Variants in AFF1 observed in about 807,000 individuals in gnomAD.
AFF1 encodes ALF transcription elongation factor 1.
A neutral mutation model predicts 121.7 loss-of-function variants in AFF1; 48 were observed. The ratio of observed to expected loss-of-function variants is 0.39; its 90% confidence interval spans 0.31 to 0.50. The LOEUF (loss-of-function observed/expected upper bound fraction) is 0.50, where lower values mean the gene tolerates loss of function less well. AFF1 is among the 20% of genes least tolerant of loss of function. The probability of loss-of-function intolerance (pLI) is 0.76; values close to 1 mark genes in which losing one functional copy is unlikely to be tolerated. For missense variants in AFF1, 1,523 were observed against 1,511.7 expected (o/e 1.01, Z -0.12); for synonymous variants, 613 against 563.0 (o/e 1.09, Z -1.26).
intron 4 of AFF1, among the ~76,000 whole-genome samples, chr4:87,063,846 C>T (rs1444864239): frequency 6.6e-6 from 1 of 152,122 alleles, no homozygotes; most frequent in Admixed American, 6.5e-5. Flanking sequence ...TGTATATTAT[C>T]CATCTTCAAG....
chr4:87,120,709 C>G (rs990610005), intron 12 of AFF1, among the ~76,000 whole-genome samples: 1 of 152,244 alleles, frequency 6.6e-6, no homozygotes, highest in Non-Finnish European at 1.5e-5. Context: ...CACTGCCACT[C>G]AGTGCCCACA....
chr4:87,036,775 TA>T (rs767435585), intron 2 of AFF1: 1 of 513,628 alleles, frequency 1.9e-6, no homozygotes, highest in South Asian at 1.4e-5. Flanking sequence ...GTTTGAATGT[TA>T]GAACATATTC....
intron 16 of AFF1, 29 bp from the exon 17 acceptor site, chr4:87,131,054 C>G (rs746530917): frequency 6.2e-7 from 1 of 1,611,926 alleles, no homozygotes; most frequent in South Asian, 1.1e-5. Flanking sequence ...TGTCTTCAGC[C>G]TAACAATGAC....
In AFF1 at chr4:87,139,111, T is replaced by C. The variant is rs1328692283; in HGVS notation, c.*3410T>C. Reference sequence around the variant, plus strand: ...TCCTCTACAATTAACAAAACTTATCTCTGATATACAAAGGGATATAAATAT... The same window carrying C: ...TCCTCTACAATTAACAAAACTTATCCCTGATATACAAAGGGATATAAATAT... On this transcript the variant is annotated 3_prime_UTR_variant, in exon 21 of 21. Transcript: ENST00000395146. The C allele has an allele frequency of 1.8e-5, 4 of 228,154 alleles. No homozygotes were observed. The highest frequency in any genetic ancestry group is 3.5e-5 in the Non-Finnish European group (4 of 114,912). 14.1% of individuals were successfully genotyped at this position (228,154 alleles called of 1,614,324 possible). A position where few individuals can be genotyped will look rare whatever the true frequency, so the allele number is the denominator to read the frequency against.
intron 4 of AFF1, among the ~76,000 whole-genome samples, chr4:87,059,488 G>C (rs1720505519): frequency 6.6e-6 from 1 of 152,056 alleles, no homozygotes; most frequent in African/African-American, 2.4e-5. Context: ...CGTCTTTCTT[G>C]AACTGTTACA....
At chr4:87,085,888 G>A (rs538083885) in intron 5 of AFF1, among the ~76,000 whole-genome samples, 4 of 151,954 alleles carry the variant, frequency 2.6e-5, no homozygotes, top group South Asian at 2.1e-4. Context: ...ACAGGTGTGC[G>A]CCAGTACGCC....
intron 2 of AFF1, among the ~76,000 whole-genome samples, chr4:87,041,603 C>T (rs892890990): frequency 4.6e-5 from 7 of 151,792 alleles, no homozygotes; most frequent in African/African-American, 1.2e-4. Flanking sequence ...ATATTCTATT[C>T]GGAACAGTGG....
chr4:87,115,449 C>G, intron 12 of AFF1, 150 bp downstream of exon 12: 1 of 830,504 alleles, frequency 1.2e-6, no homozygotes, highest in South Asian at 1.9e-5. Context: ...CTTCTTCCAG[C>G]ATTACCTGTC....
At chr4:86,945,217 C>T (rs1034371320) in intron 1 of AFF1, among the ~76,000 whole-genome samples, 3 of 152,024 alleles carry the variant, frequency 2.0e-5, no homozygotes, top group African/African-American at 7.2e-5. Context: ...TTAACTTGTC[C>T]AAGGTGATCA....
At chr4:87,057,929 C>T (rs910142847) in intron 4 of AFF1, among the ~76,000 whole-genome samples, 1 of 151,424 alleles carries the variant, frequency 6.6e-6, no homozygotes, top group Admixed American at 6.6e-5. Flanking sequence ...TGCCTGATGG[C>T]TTAGTTGCTC....
In AFF1 at chr4:87,138,510, TGTGTG is replaced by T. The variant is rs147936694; in HGVS notation, c.*2810_*2814del. 0.22 allele frequency: 51,485 copies of T among 229,824 alleles called. 4,946 individuals are homozygous for T. Among genetic ancestry groups the T allele is most frequent in the East Asian group, 0.35 (5,738 of 16,246 alleles). 14.2% of individuals were successfully genotyped at this position (229,824 alleles called of 1,614,324 possible). ...TACAAGGTGTGTGTGTGTGTGTGTG[TGTGTG>T]TGTGTGTCTTTAGTAGGAAATGGAA... On this transcript the variant is annotated 3_prime_UTR_variant, in exon 21 of 21. Coordinates refer to ENST00000395146, the MANE Select transcript of AFF1 (RefSeq NM_001166693.3).
At chr4:87,074,114 G>A (rs987061278) in intron 4 of AFF1, among the ~76,000 whole-genome samples, 4 of 151,816 alleles carry the variant, frequency 2.6e-5, no homozygotes, top group African/African-American at 9.7e-5. Context: ...TACTACTCAT[G>A]CTTTGCAAAT....
At chr4:86,964,595 C>G (rs775665812) in intron 2 of AFF1, among the ~76,000 whole-genome samples, 1 of 151,818 alleles carries the variant, frequency 6.6e-6, no homozygotes, top group Admixed American at 6.6e-5. Context: ...CCACTATGCC[C>G]GGCTAATTTT....
At chr4:86,996,787 G>A (rs1490052168) in intron 2 of AFF1, among the ~76,000 whole-genome samples, 1 of 152,246 alleles carries the variant, frequency 6.6e-6, no homozygotes, top group Non-Finnish European at 1.5e-5. Context: ...CGATGTGGCA[G>A]TATTAAAAGG....
chr4:87,058,982 C>G (rs1236593537), intron 4 of AFF1, among the ~76,000 whole-genome samples: 1 of 152,162 alleles, frequency 6.6e-6, no homozygotes, highest in Non-Finnish European at 1.5e-5. Flanking sequence ...CTTAAACACT[C>G]TCCTCCCCTG....
intron 8 of AFF1, among the ~76,000 whole-genome samples, chr4:87,104,624 C>T (rs553441467): frequency 6.6e-6 from 1 of 152,240 alleles, no homozygotes; most frequent in South Asian, 2.1e-4. Context: ...ACCAGGATTT[C>T]CAAAGACACC....
chr4:87,049,879 G>A (rs946221509), intron 4 of AFF1: 1 of 375,358 alleles, frequency 2.7e-6, no homozygotes, highest in African/African-American at 2.1e-5. Context: ...CCGGGAAGTG[G>A]GGATCTTGGT....
At chr4:86,943,013 G>A (rs1720579089) in intron 1 of AFF1, among the ~76,000 whole-genome samples, 1 of 152,206 alleles carries the variant, frequency 6.6e-6, no homozygotes, top group South Asian at 2.1e-4. Flanking sequence ...TGGGTTGGCT[G>A]GAGAGAGTCC....
intron 1 of AFF1, among the ~76,000 whole-genome samples, chr4:86,948,089 T>A (rs1407946744): frequency 5.9e-5 from 9 of 152,318 alleles, no homozygotes; most frequent in Non-Finnish European, 4.4e-5. Context: ...GTCTCCATTT[T>A]CTTAACTATA....
Sources: allele counts gnomAD v4.1 joint callset (sites outside exome capture counted in the v4.1 genomes callset), GRCh38; gene constraint gnomAD v4.1.1; transcripts MANE v1.5; gene names NCBI Gene and HGNC (gene_info 2026-07-23, HGNC 2026-07-21).